The following N4BP2L2 variants were observed in gnomAD, a reference collection of about 807,000 sequenced individuals.
The protein encoded by N4BP2L2 is NEDD4-binding protein 2-like 2.
A neutral mutation model predicts 56.2 loss-of-function variants in N4BP2L2; 50 were observed. The ratio of observed to expected loss-of-function variants is 0.89; its 90% CI spans 0.71 to 1.13. The LOEUF is 1.13. N4BP2L2 is among the 50% of genes most tolerant of loss of function. The pLI is 0.00. For missense variants in N4BP2L2, 689 were observed against 693.8 expected (o/e 0.99, Z 0.08); for synonymous variants, 203 against 223.6 (o/e 0.91, Z 0.82).
At chr13:32,467,915 G>A (rs933839307) in intron 6 of N4BP2L2, among the ~76,000 whole-genome samples, 3 of 151,994 alleles carry the variant, frequency 2.0e-5, no homozygotes, top group East Asian at 2.0e-4. Context: ...ACTTGAACCC[G>A]GGAGGCAGAG....
At chr13:32,506,898 GGCATTAA>G (rs2091040673), downstream of N4BP2L2, 1 of 151,886 alleles carries the variant, frequency 6.6e-6, no homozygotes, top group Non-Finnish European at 1.5e-5. Context: ...GCAACTGAAA[GGCATTAA>G]GCATGATCAC....
At chr13:32,492,916 GT>G (rs35025430) in intron 6 of N4BP2L2, among the ~76,000 whole-genome samples, 1,436 of 107,464 alleles carry the variant, frequency 0.013, 4 homozygotes, top group Non-Finnish European at 0.021. Flanking sequence ...TAGCTTTTCT[GT>G]TTTTTTTTTT....
intron 6 of N4BP2L2, among the ~76,000 whole-genome samples, chr13:32,489,009 G>C (rs966312115): frequency 2.6e-5 from 4 of 152,170 alleles, no homozygotes; most frequent in Non-Finnish European, 5.9e-5. Context: ...GGAGGTGGAG[G>C]TTGCAGTGAG....
At chr13:32,458,997 A>C (rs1278387949) in intron 6 of N4BP2L2, among the ~76,000 whole-genome samples, 4 of 152,214 alleles carry the variant, frequency 2.6e-5, no homozygotes, top group Non-Finnish European at 1.5e-5. Flanking sequence ...AACTTTAGAG[A>C]CTGTACAAAC....
At chr13:32,500,865 C>CTTTTT (rs368419149) in intron 6 of N4BP2L2, among the ~76,000 whole-genome samples, 3 of 127,406 alleles carry the variant, frequency 2.4e-5, no homozygotes, top group Non-Finnish European at 3.3e-5. Flanking sequence ...TTAGTCTTTT[C>CTTTTT]TTTTTTTTTT....
chr13:32,451,014 C>A (rs532104919), intron 6 of N4BP2L2, among the ~76,000 whole-genome samples: 1 of 151,800 alleles, frequency 6.6e-6, no homozygotes, highest in Non-Finnish European at 1.5e-5. Context: ...CCGCACCTGG[C>A]CTAAAATGTG....
intron 6 of N4BP2L2, among the ~76,000 whole-genome samples, chr13:32,503,107 A>G (rs2090310439): frequency 7.6e-6 from 1 of 130,870 alleles, no homozygotes; most frequent in Admixed American, 8.9e-5. Flanking sequence ...CAGGAGGTGG[A>G]GGCTGCAGTG....
At position 32,497,777 on chromosome 13, in the gene N4BP2L2, A is replaced by G. The variant is rs535984122; in HGVS notation, c.365+20080T>C. 2.0e-5 allele frequency among the ~76,000 whole-genome samples: 3 copies of G among 152,288 alleles called. No individual in the cohort carries two copies. The South Asian group carries it at 6.2e-4, about 32-fold the overall frequency. ...TGCCTGAGGCTGCATAAGTTATTCAACAAACATGACAAAATGTTCGGTGGC... is the reference window on the plus strand; with the variant it reads ...TGCCTGAGGCTGCATAAGTTATTCAGCAAACATGACAAAATGTTCGGTGGC... On this transcript the variant is annotated intron_variant, in intron 6 of 9. Coordinates refer to the N4BP2L2 transcript ENST00000357505.
At chr13:32,486,010 C>T (rs1245811670) in intron 6 of N4BP2L2, among the ~76,000 whole-genome samples, 1 of 152,114 alleles carries the variant, frequency 6.6e-6, no homozygotes, top group Non-Finnish European at 1.5e-5. Context: ...GCAGAGGTTG[C>T]GGTGAACCAA....
exon 7 of N4BP2L2, chr13:32,444,024 C>G: frequency 6.2e-7 from 1 of 1,608,758 alleles, no homozygotes; most frequent in Non-Finnish European, 8.5e-7. Context: ...ATGAGTTTTC[C>G]TCCATGATTC....
chr13:32,522,456 T>C (rs1594051776), intron 3 of N4BP2L2, 186 bp from the exon 4 acceptor site: 1 of 389,968 alleles, frequency 2.6e-6, no homozygotes, highest in Non-Finnish European at 4.4e-6. Context: ...GACACAACCA[T>C]ATGCCAGGTG....
chr13:32,441,610 G>A (rs1239069486), intron 7 of N4BP2L2, among the ~76,000 whole-genome samples: 4 of 150,464 alleles, frequency 2.7e-5, no homozygotes, highest in African/African-American at 9.8e-5. Flanking sequence ...CTTGAACCCG[G>A]GAAGTGGAGG....
rs559487850 is a variant in N4BP2L2, at chr13:32,466,544, G to GA, written c.366-22419dup. Reference sequence around the variant, plus strand: ...ATCAGAGACTCCATCTCAAAAAAAAGAAAAAAAGAAAAAAAAGAACCTAGT... The same window carrying GA: ...ATCAGAGACTCCATCTCAAAAAAAAGAAAAAAAAGAAAAAAAAGAACCTAGT... On this transcript the variant is annotated intron_variant, in intron 6 of 9. Coordinates refer to the N4BP2L2 transcript ENST00000357505. Among the ~76,000 whole-genome samples, 563 of 151,140 alleles carry GA rather than the reference G, an allele frequency of 3.7e-3. 3 individuals are homozygous for GA. Among genetic ancestry groups the GA allele is most frequent in the African/African-American group, 0.013 (526 of 41,296 alleles).
At chr13:32,479,847 A>G (rs776235392) in intron 6 of N4BP2L2, among the ~76,000 whole-genome samples, 5 of 152,082 alleles carry the variant, frequency 3.3e-5, no homozygotes, top group Non-Finnish European at 5.9e-5. Flanking sequence ...CAACAGACAT[A>G]TAACTGGAGC....
intron 6 of N4BP2L2, among the ~76,000 whole-genome samples, chr13:32,452,743 A>G (rs972978920): frequency 9.2e-5 from 14 of 152,198 alleles, no homozygotes; most frequent in African/African-American, 3.1e-4. Flanking sequence ...ATAGATGAGA[A>G]CTTCCTTAAT....
chr13:32,522,816 T>C (rs1475525886), intron 3 of N4BP2L2: 2 of 152,350 alleles, frequency 1.3e-5, no homozygotes, highest in East Asian at 3.9e-4. Context: ...ATTTTCTCTT[T>C]TTTGGGAAAG....
chr13:32,537,997 G>T (rs368185286), intron 1 of N4BP2L2, among the ~76,000 whole-genome samples: 2 of 151,488 alleles, frequency 1.3e-5, no homozygotes, highest in Non-Finnish European at 1.5e-5. Context: ...TTGAACCCGG[G>T]GGGGGCGGAG....
chr13:32,460,959 T>A (rs1196688935), intron 6 of N4BP2L2, among the ~76,000 whole-genome samples: 1 of 152,074 alleles, frequency 6.6e-6, no homozygotes, highest in East Asian at 1.9e-4. Context: ...AATAAATCCA[T>A]GTATTTACAG....
At chr13:32,522,182 C>A in exon 4 of N4BP2L2, 1 of 1,518,798 alleles carries the variant, frequency 6.6e-7, no homozygotes, top group South Asian at 1.3e-5. Flanking sequence ...TCATATTTAC[C>A]ACTTCCACAT....
Sources: gnomAD v4.1 joint callset for allele counts (sites outside exome capture counted in the v4.1 genomes callset) on GRCh38, gnomAD v4.1.1 for gene constraint, MANE v1.5 for transcripts, NCBI Gene and HGNC (gene_info 2026-07-23, HGNC 2026-07-21) for gene names.